The following NWD1 variants were observed in gnomAD, a reference collection of about 807,000 sequenced individuals.
The protein encoded by NWD1 is NACHT domain- and WD repeat-containing protein 1.
In NWD1, 129 loss-of-function variants were observed where a neutral mutation model predicts 135.1. That is an observed-to-expected ratio of 0.96 (90% confidence interval 0.83 to 1.11). The LOEUF (loss-of-function observed/expected upper bound fraction) is 1.11. NWD1 is among the 50% of genes least tolerant of loss of function. The pLI is 0.00. For missense variants in NWD1, 1,740 were observed against 1,851.3 expected, an observed-to-expected ratio of 0.94 and a Z score of 1.10; for synonymous variants, 773 against 786.0, an observed-to-expected ratio of 0.98 and a Z score of 0.28.
chr19:16,746,278 T>C (rs139116271), intron 5 of NWD1, among the ~76,000 whole-genome samples: 1,523 of 151,772 alleles, frequency 0.01, 31 homozygotes, highest in African/African-American at 0.035. Flanking sequence ...GAGGATTGCG[T>C]CAGCCTAGGA....
intron 3 of NWD1, among the ~76,000 whole-genome samples, chr19:16,735,256 C>T (rs73008544): frequency 0.06 from 9,172 of 152,160 alleles, 395 homozygotes; most frequent in Non-Finnish European, 0.087. Flanking sequence ...GTAATCCTAA[C>T]ATTTTGGGAG....
intron 11 of NWD1, among the ~76,000 whole-genome samples, chr19:16,773,578 A>G (rs1263533866): frequency 6.6e-6 from 1 of 152,080 alleles, no homozygotes; most frequent in African/African-American, 2.4e-5. Context: ...TCCCATCTCC[A>G]AGGGATTGGT....
At chr19:16,800,267 C>T (rs771404065) in intron 17 of NWD1, 105 bp downstream of exon 17, 186 of 1,171,896 alleles carry the variant, frequency 1.6e-4, no homozygotes, top group Admixed American at 4.7e-4. Context: ...GGCCCCATGG[C>T]TCACGCCTGT....
intron 9 of NWD1, among the ~76,000 whole-genome samples, chr19:16,764,276 T>C (rs1011150289): frequency 3.3e-5 from 5 of 152,120 alleles, no homozygotes; most frequent in African/African-American, 1.2e-4. Flanking sequence ...CCCTGCCTTA[T>C]CATGAGAGAC....
chr19:16,771,304 G>T (rs1011310743), intron 10 of NWD1, among the ~76,000 whole-genome samples: 5 of 152,078 alleles, frequency 3.3e-5, no homozygotes, highest in Admixed American at 2.0e-4. Flanking sequence ...ACAAAAATTA[G>T]CCGGGTGTGG....
chr19:16,796,294 T>TA (rs1970415460), intron 15 of NWD1, among the ~76,000 whole-genome samples: 5 of 152,024 alleles, frequency 3.3e-5, no homozygotes, highest in Non-Finnish European at 5.9e-5. Flanking sequence ...AAACCCTGTC[T>TA]CTACTAAAAA....
At chr19:16,794,396 A>T (rs975237839) in intron 14 of NWD1, 67 bp from the exon 15 acceptor site, 5 of 870,454 alleles carry the variant, frequency 5.7e-6, no homozygotes, top group Admixed American at 2.7e-5. Flanking sequence ...TTAAAAAATT[A>T]AAAAATTCCA....
rs149940356 is a variant in NWD1, at chr19:16,758,510, C to T, written c.1770-715C>T. On this transcript the variant is annotated intron_variant, in intron 6 of 18. Coordinates refer to ENST00000524140, the MANE Select transcript of NWD1 (RefSeq NM_001007525.5). The stretch of plus-strand genomic sequence containing the variant: ...CTAGGCTGGTCTTGAGCTCTGGCCT[C>T]GAGCAGTCCTCCTGCCTCAGCCTCC... 9.1e-3 allele frequency among the ~76,000 whole-genome samples: 1,382 copies of T among 152,220 alleles called. 17 individuals carry two copies. The highest frequency in any genetic ancestry group is 0.032 in the African/African-American group (1,315 of 41,546).
chr19:16,808,540 G>A (rs549784985), intron 18 of NWD1, among the ~76,000 whole-genome samples: 2 of 148,786 alleles, frequency 1.3e-5, no homozygotes, highest in South Asian at 2.1e-4. Context: ...CAGACACTCC[G>A]TTTAAAAAAA....
intron 7 of NWD1, 96 bp downstream of exon 7, chr19:16,759,524 C>T: frequency 1.2e-6 from 1 of 841,598 alleles, no homozygotes; most frequent in East Asian, 2.7e-5. Context: ...AGATCCTTCA[C>T]TTACCATTCC....
Position 16,800,117 on chromosome 19 carries a change from A to T in NWD1, c.3691A>T (p.Lys1231Ter). 1.2e-6 allele frequency: 2 copies of T among 1,613,856 alleles called. No individual in the cohort carries two copies. The highest frequency in any genetic ancestry group is 1.7e-6 in the Non-Finnish European group (2 of 1,179,888). The change falls in exon 17 of 19, where the codon AAA (lysine) becomes TAA (stop). Residue 1231 changes from lysine to a stop codon, truncating the protein, a stop_gained. Transcript: ENST00000524140. LOFTEE classifies it high-confidence loss of function. ...CAATGGAAGCTACGTCTACTTCCCCAAAATTGGGGACAAAAACAAAGTCAC... is the reference window on the plus strand; with the variant it reads ...CAATGGAAGCTACGTCTACTTCCCCTAAATTGGGGACAAAAACAAAGTCAC... The part of the protein sequence containing the change: ...SHNGSYVYFP[K>*]IGDKNKVTIW...
intron 7 of NWD1, among the ~76,000 whole-genome samples, chr19:16,759,854 C>T (rs535875831): frequency 5.9e-5 from 9 of 151,930 alleles, no homozygotes; most frequent in African/African-American, 2.2e-4. Flanking sequence ...ATTAGCCAGA[C>T]GCGGTGGCAC....
chr19:16,785,901 G>T (rs1182884482), intron 12 of NWD1, among the ~76,000 whole-genome samples: 4 of 151,368 alleles, frequency 2.6e-5, no homozygotes, highest in East Asian at 3.9e-4. Flanking sequence ...GTCCCACTCT[G>T]TCGCCCAGGC....
At chr19:16,745,626 G>A (rs1314249241) in intron 5 of NWD1, among the ~76,000 whole-genome samples, 2 of 152,058 alleles carry the variant, frequency 1.3e-5, no homozygotes, top group Non-Finnish European at 2.9e-5. Flanking sequence ...TGTAGTCCCA[G>A]CCACTCAGGA....
chr19:16,722,589 G>A (rs971440671), intron 1 of NWD1, among the ~76,000 whole-genome samples: 3 of 151,544 alleles, frequency 2.0e-5, no homozygotes, highest in Admixed American at 6.6e-5. Flanking sequence ...GTGCCTGGCC[G>A]ACCCTCACTC....
chr19:16,756,488 A>T (rs776413881), intron 6 of NWD1, among the ~76,000 whole-genome samples: 1 of 152,196 alleles, frequency 6.6e-6, no homozygotes, highest in South Asian at 2.1e-4. Context: ...AGGGTCAACT[A>T]TATGTCTATC....
intron 12 of NWD1, among the ~76,000 whole-genome samples, chr19:16,788,052 A>G (rs1019143524): frequency 5.4e-5 from 8 of 147,502 alleles, no homozygotes; most frequent in Admixed American, 1.4e-4. Flanking sequence ...AACATGATGA[A>G]ACTGTGTCTC....
At chr19:16,734,488 T>C (rs1967709848) in intron 3 of NWD1, among the ~76,000 whole-genome samples, 1 of 150,680 alleles carries the variant, frequency 6.6e-6, no homozygotes, top group African/African-American at 2.4e-5. Context: ...TGAGCCAAGA[T>C]TGCGCCACTG....
Position 16,732,677 on chromosome 19 carries a change from T to TAAAAAAAAA in NWD1, c.81+1399_81+1400insAAAAAAAAA, listed in dbSNP as rs1464805489. On this transcript the variant is annotated intron_variant, in intron 3 of 18. Transcript: ENST00000524140. ...CTCAAAAAAAAAAAAAAAGAAAAAGTGAAAAAGTGCAGTGGTGTGATCTCA... is the reference window on the plus strand; with the variant it reads ...CTCAAAAAAAAAAAAAAAGAAAAAGTAAAAAAAAAGAAAAAGTGCAGTGGTGTGATCTCA... 3.6e-3 allele frequency among the ~76,000 whole-genome samples: 306 copies of TAAAAAAAAA among 85,086 alleles called. 32 individuals are homozygous for TAAAAAAAAA. Among genetic ancestry groups the TAAAAAAAAA allele is most frequent in the African/African-American group, 0.011 (185 of 16,128 alleles). 55.8% of individuals were successfully genotyped at this position (85,086 alleles called of 152,430 possible).
Sources: allele counts gnomAD v4.1 joint callset (sites outside exome capture counted in the v4.1 genomes callset), GRCh38; gene constraint gnomAD v4.1.1; transcripts MANE v1.5; gene names NCBI Gene and HGNC (gene_info 2026-07-23, HGNC 2026-07-21).